The following SNX29 variants were observed in gnomAD, a reference collection of about 807,000 sequenced individuals.
The protein encoded by SNX29 is sorting nexin 29.
Under a neutral mutation model 102.1 loss-of-function variants are expected in SNX29, and 78 were observed. The ratio of observed to expected loss-of-function variants is 0.76; its 90% CI spans 0.64 to 0.92. SNX29 has a LOEUF of 0.92. SNX29 is among the 40% of genes least tolerant of loss of function. The pLI is 0.00. For synonymous variants in SNX29, 580 were observed against 414.5 expected (o/e 1.40, Z -4.85); for missense variants, 1,280 against 1,061.7 (o/e 1.21, Z -2.86).
At chr16:12,072,930 T>A (rs1286994832) in intron 10 of SNX29, among the ~76,000 whole-genome samples, 1 of 152,248 alleles carries the variant, frequency 6.6e-6, no homozygotes, top group African/African-American at 2.4e-5. Flanking sequence ...TATCCATTTC[T>A]TCTAGATTTT....
chr16:12,529,148 C>G (rs953531970), intron 20 of SNX29, among the ~76,000 whole-genome samples: 3 of 152,164 alleles, frequency 2.0e-5, no homozygotes, highest in African/African-American at 7.2e-5. Flanking sequence ...CTTGCTAATG[C>G]CAGCTCTGAA....
At chr16:12,367,745 C>A (rs1004761605) in intron 16 of SNX29, among the ~76,000 whole-genome samples, 40 of 152,240 alleles carry the variant, frequency 2.6e-4, no homozygotes, top group Non-Finnish European at 5.9e-5. Flanking sequence ...CAATGTTAAA[C>A]TTCGTGTTCC....
chr16:12,562,319 G>A (rs185650591), intron 20 of SNX29, among the ~76,000 whole-genome samples: 8 of 152,294 alleles, frequency 5.3e-5, no homozygotes, highest in East Asian at 3.9e-4. Flanking sequence ...TTTGTCCCAA[G>A]AACCTGCAGG....
At chr16:12,475,724 C>G (rs942118842) in intron 18 of SNX29, among the ~76,000 whole-genome samples, 2 of 152,162 alleles carry the variant, frequency 1.3e-5, no homozygotes, top group African/African-American at 4.8e-5. Context: ...ACATCACTAG[C>G]CTGGAAAAAA....
At chr16:12,273,767 A>G (rs909572979) in intron 14 of SNX29, among the ~76,000 whole-genome samples, 3 of 152,174 alleles carry the variant, frequency 2.0e-5, no homozygotes, top group African/African-American at 7.2e-5. Flanking sequence ...TAGGGTCTTC[A>G]TCCCTCCTTC....
At chr16:12,392,039 G>T (rs543444110) in intron 16 of SNX29, among the ~76,000 whole-genome samples, 1 of 152,192 alleles carries the variant, frequency 6.6e-6, no homozygotes, top group Admixed American at 6.5e-5. Context: ...AGGTTCTTAC[G>T]TGTCTTTATA....
At chr16:12,492,341 T>G (rs1298770694) in intron 19 of SNX29, among the ~76,000 whole-genome samples, 1 of 152,238 alleles carries the variant, frequency 6.6e-6, no homozygotes, top group Admixed American at 6.5e-5. Context: ...TTGAGAAGTG[T>G]CTGTTCATAT....
intron 13 of SNX29, among the ~76,000 whole-genome samples, chr16:12,162,670 C>T (rs1307206079): frequency 6.6e-6 from 1 of 152,184 alleles, no homozygotes; most frequent in African/African-American, 2.4e-5. Flanking sequence ...TAGTTGATGA[C>T]CTTGAGCTAG....
chr16:12,545,358 A>G (rs888102976), intron 20 of SNX29: 1 of 152,164 alleles, frequency 6.6e-6, no homozygotes, highest in Non-Finnish European at 1.5e-5. Context: ...GTACATACAG[A>G]GTGACAACCC....
At chr16:12,393,226 C>G (rs924037069) in intron 16 of SNX29, among the ~76,000 whole-genome samples, 2 of 152,136 alleles carry the variant, frequency 1.3e-5, no homozygotes, top group African/African-American at 2.4e-5. Context: ...ATCTGAGAAC[C>G]TGGTAATTAG....
chr16:12,215,942 C>T (rs2077312582), intron 14 of SNX29, among the ~76,000 whole-genome samples: 1 of 152,136 alleles, frequency 6.6e-6, no homozygotes, highest in Non-Finnish European at 1.5e-5. Context: ...GTGGTGCGTG[C>T]ACAGTTGTGG....
intron 20 of SNX29, chr16:12,527,082 A>C (rs943278217): frequency 2.3e-6 from 1 of 441,792 alleles, no homozygotes; most frequent in East Asian, 4.1e-5. Context: ...CCCCAGTTGA[A>C]ATTAAACAGC....
chr16:12,490,938 G>T (rs529670123), intron 19 of SNX29, among the ~76,000 whole-genome samples: 8 of 152,190 alleles, frequency 5.3e-5, no homozygotes, highest in Non-Finnish European at 1.0e-4. Flanking sequence ...ACCACTCTGC[G>T]GAATCATTCT....
At chr16:11,989,055 C>G (rs937463957) in intron 1 of SNX29, among the ~76,000 whole-genome samples, 1 of 152,138 alleles carries the variant, frequency 6.6e-6, no homozygotes, top group Non-Finnish European at 1.5e-5. Context: ...TTATTGCAAC[C>G]TTAACCCCTT....
chr16:12,399,120 G>A (rs1352364493), intron 17 of SNX29, among the ~76,000 whole-genome samples: 1 of 152,086 alleles, frequency 6.6e-6, no homozygotes, highest in East Asian at 1.9e-4. Flanking sequence ...GCACGATCTC[G>A]GCTCATTGCA....
intron 5 of SNX29, among the ~76,000 whole-genome samples, chr16:12,044,500 G>C (rs1205405504): frequency 6.6e-6 from 1 of 152,146 alleles, no homozygotes; most frequent in Non-Finnish European, 1.5e-5. Context: ...TACTGCTCAC[G>C]GTCAGAGTTC....
intron 15 of SNX29, among the ~76,000 whole-genome samples, chr16:12,352,732 A>G (rs151176004): frequency 1.3e-5 from 2 of 152,284 alleles, no homozygotes; most frequent in South Asian, 2.1e-4. Flanking sequence ...TCAAGGCTTC[A>G]TTCCTGGTCC....
rs983322130 is a variant in SNX29 at position 12,346,366 on chromosome 16, C to T, written c.1783-9797C>T. Among the ~76,000 whole-genome samples the T allele has an allele frequency of 7.9e-5, 12 of 152,196 alleles. 1 individual carries two copies. The highest frequency in any genetic ancestry group is 7.2e-4 in the Admixed American group (11 of 15,290). ...CTTTACGTAACCCTAAGTAAAGCAC[C>T]TCTTTCTTTTATTATTTAAACCTCA... is the stretch of plus-strand genomic sequence containing the variant. On this transcript the variant is annotated intron_variant, in intron 15 of 20. Transcript: ENST00000566228.
intron 13 of SNX29, among the ~76,000 whole-genome samples, chr16:12,168,715 C>G (rs1412714882): frequency 1.3e-5 from 2 of 152,236 alleles, no homozygotes; most frequent in Admixed American, 6.5e-5. Flanking sequence ...TTCACCTTTG[C>G]TGCTAGAATC....
Sources: gnomAD v4.1 joint callset for allele counts (sites outside exome capture counted in the v4.1 genomes callset) on GRCh38, gnomAD v4.1.1 for gene constraint, MANE v1.5 for transcripts, NCBI Gene and HGNC (gene_info 2026-07-23, HGNC 2026-07-21) for gene names.